KRI1: variants seen among roughly 807,000 people sequenced by gnomAD.
KRI1 encodes the protein protein KRI1 homolog.
KRI1 carries 83 observed loss-of-function variants against 97.0 expected under a neutral mutation model. The observed-to-expected ratio is 0.86, with a 90% CI of 0.72 to 1.03. The LOEUF (loss-of-function observed/expected upper bound fraction) is 1.03, where lower values mean the gene tolerates loss of function less well. Among genes scored for constraint, KRI1 ranks in the 50% least tolerant of loss-of-function variants. The pLI is 0.00. For missense variants in KRI1, 916 were observed against 928.4 expected, an observed-to-expected ratio of 0.99 and a Z score of 0.17; for synonymous variants, 371 against 363.5, an observed-to-expected ratio of 1.02 and a Z score of -0.23.
intron 12 of KRI1, among the ~76,000 whole-genome samples, chr19:10,558,848 G>A (rs4310980): frequency 0.32 from 47,949 of 150,968 alleles, 8,699 homozygotes; most frequent in African/African-American, 0.49. Flanking sequence ...AGGATTAGAG[G>A]TGCACGCCAC....
rs969772624 is a variant in KRI1, at chr19:10,565,140, C to T, written c.169-106G>A. On this transcript the variant is annotated intron_variant, in intron 2 of 18. Transcript: ENST00000312962. ...GGGATTAGGATGGAGGGGGGTGGATCTGGCTGGGGAGGTCAAACAGGTGGT... is the reference window on the plus strand; with the variant it reads ...GGGATTAGGATGGAGGGGGGTGGATTTGGCTGGGGAGGTCAAACAGGTGGT... The T allele has an allele frequency of 5.2e-5, 40 of 767,952 alleles. No individual in the cohort carries two copies. The African/African-American group carries it at 6.7e-4, about 13-fold the overall frequency. The allele number at this position is 767,952 out of a possible 1,614,324, so 47.6% of individuals were successfully genotyped here.
chr19:10,565,866 GGCGCGCGCAGGCTCCCGCGCGCAT>G lies in KRI1; in HGVS notation c.94+16_94+39del. ...TCGACTCCCCACTTCCCAACCGGCC[GGCGCGCGCAGGCTCCCGCGCGCAT>G]GCGCCCCGCACTCACGCCGCTGCAG... On this transcript the variant is annotated intron_variant, in intron 1 of 18. Transcript: ENST00000312962. The G allele has an allele frequency of 4.6e-6, 7 of 1,533,026 alleles. No individual in the cohort carries two copies. The highest frequency in any genetic ancestry group is 6.1e-6 in the Non-Finnish European group (7 of 1,139,160). The allele number at this position is 1,533,026 out of a possible 1,614,324, so 95.0% of individuals were successfully genotyped here.
At position 10,565,811 on chromosome 19, in the gene KRI1, G is replaced by GCCCCC. The variant is rs34864064; in HGVS notation, c.95-26_95-22dup. On this transcript the variant is annotated intron_variant, in intron 1 of 18. Transcript: ENST00000312962. The stretch of plus-strand genomic sequence containing the variant: ...CTTCACTGCGGGACACAGACGGGAT[G>GCCCCC]CCCCCCCCCAGGTCAGCCGGCGGGG... The GCCCCC allele has an allele frequency of 3.0e-4, 464 of 1,522,246 alleles. 1 individual carries two copies. In the African/African-American group the frequency reaches 4.5e-3, roughly 15 times the overall value. 94.3% of individuals were successfully genotyped at this position (1,522,246 alleles called of 1,614,324 possible). A position where few individuals can be genotyped will look rare whatever the true frequency, so the allele number is the denominator to read the frequency against.
chr19:10,560,846 G>C (rs1294641764), intron 8 of KRI1, among the ~76,000 whole-genome samples, 157 bp downstream of exon 8: 3 of 152,188 alleles, frequency 2.0e-5, no homozygotes, highest in African/African-American at 7.2e-5. Flanking sequence ...TTACAGGTGT[G>C]AACCACGGCA....
chr19:10,557,503 G>A lies in KRI1; in HGVS notation c.1617+49C>T, dbSNP rs200104114. 4.1e-4 allele frequency: 652 copies of A among 1,582,186 alleles called. 5 individuals carry two copies. In the Middle Eastern group the frequency reaches 9.5e-3, roughly 23 times the overall value. ...CTCAGGGCCAGCTTTCTACCCCTTC[G>A]GCATACCTGGTGCCCCCTGCAGTGT... On this transcript the variant is annotated intron_variant, in intron 16 of 18. Transcript: ENST00000312962.
intron 2 of KRI1, chr19:10,565,326 A>AG (rs1452046633): frequency 1.9e-6 from 1 of 535,262 alleles, no homozygotes; most frequent in African/African-American, 1.9e-5. Context: ...CAAGAGAGAC[A>AG]GCGGGGAGGG....
rs781756774 is a variant in KRI1, at chr19:10,565,766, T to A, written c.119A>T (p.Asp40Val). 50 of 1,579,204 alleles carry A rather than the reference T, an allele frequency of 3.2e-5. No homozygotes were observed. Among genetic ancestry groups the A allele is most frequent in the Non-Finnish European group, 4.3e-5 (50 of 1,163,454 alleles). The change falls in exon 2 of 19, where the codon GAC becomes GTC. Residue 40 changes from aspartate (D) to valine (V), a missense_variant. This residue lies in a region of KRI1 where 173 missense variants were observed against 153.1 expected (regional missense o/e 1.13). Transcript: ENST00000312962. ...QRLKDRYGDR[D>V]SSSDSSSESD... ...CTCGGAGCTGGAGTCGCTGCTGCTG[T>A]CTCGGTCCCCGTAGCGATCCTTCAC...
In KRI1 at chr19:10,557,997, A is replaced by C. The variant is rs1982074; in HGVS notation, c.1334T>G (p.Leu445Arg). Residue 445 changes from leucine to arginine, a missense_variant, in exon 14 of 19, where the codon CTG becomes CGG. Physicochemically the swap from Leu to Arg is moderately radical, Grantham distance 102. Transcript: ENST00000312962. Reference sequence around the variant, plus strand: ...GTTGAAGTTGGGGTCCTCACAGTGCAGCTCCTGCTGGCTCCAGTCTCCCTC... The same window carrying C: ...GTTGAAGTTGGGGTCCTCACAGTGCCGCTCCTGCTGGCTCCAGTCTCCCTC... Reference protein sequence around the residue: ...EQEGDWSQQELHCEDPNFNMD... With the variant: ...EQEGDWSQQERHCEDPNFNMD... The C allele has an allele frequency of 6.2e-7, 1 of 1,613,854 alleles. No individual in the cohort carries two copies. Among genetic ancestry groups the C allele is most frequent in the Non-Finnish European group, 8.5e-7 (1 of 1,179,942 alleles).
rs1049838938 is a variant in KRI1, at chr19:10,559,596, T to A, written c.1023+17A>T. ...CCAGGGCTGGGGGGTCCTCCCCAGC[T>A]CACCCCCCACACTCACCCTCTTCTT... is the stretch of plus-strand genomic sequence containing the variant. On this transcript the variant is annotated intron_variant, in intron 11 of 18. Transcript: ENST00000312962. 2 of 1,613,196 alleles carry A rather than the reference T, an allele frequency of 1.2e-6. No individual in the cohort carries two copies. Among genetic ancestry groups the A allele is most frequent in the Non-Finnish European group, 1.7e-6 (2 of 1,179,498 alleles).
chr19:10,554,632 A>G (rs774762784), intron 18 of KRI1, among the ~76,000 whole-genome samples: 2 of 152,056 alleles, frequency 1.3e-5, no homozygotes, highest in Non-Finnish European at 2.9e-5. Context: ...TGCAGCCTCC[A>G]ACTCCTGGGC....
Position 10,553,637 on chromosome 19 carries a change from G to A in KRI1, c.*314C>T, listed in dbSNP as rs1916390085. ...GTTGCCCAGGCTGGAGTGCAGTGGT[G>A]CAATCATAGCTCTCTGTAGCCTCAA... On this transcript the variant is annotated 3_prime_UTR_variant, in exon 19 of 19. Transcript: ENST00000312962. The A allele has an allele frequency of 3.7e-6, 1 of 272,190 alleles. No individual in the cohort carries two copies. Among genetic ancestry groups the A allele is most frequent in the Non-Finnish European group, 6.9e-6 (1 of 145,888 alleles). 16.9% of individuals were successfully genotyped at this position (272,190 alleles called of 1,614,324 possible).
Position 10,561,720 on chromosome 19 carries a change from C to A in KRI1, c.439-4G>T. The A allele has an allele frequency of 6.2e-7, 1 of 1,614,132 alleles. No homozygotes were observed. Among genetic ancestry groups the A allele is most frequent in the Non-Finnish European group, 8.5e-7 (1 of 1,180,022 alleles). On this transcript the variant is annotated splice_region_variant and splice_polypyrimidine_tract_variant and intron_variant, in intron 5 of 18. Coordinates refer to ENST00000312962, the MANE Select transcript of KRI1 (RefSeq NM_023008.5). ...CATAACTTTGCGACGATGTCTCCTGCAGAGAGGGCCATAGGTCTCAGGCCA... is the reference window on the plus strand; with the variant it reads ...CATAACTTTGCGACGATGTCTCCTGAAGAGAGGGCCATAGGTCTCAGGCCA...
chr19:10,555,331 T>G lies in KRI1; in HGVS notation c.1636A>C (p.Lys546Gln). ...STEEILAADD[K>Q]ELNRWCSLKK... ...AGGGAGCACCACCGGTTCAGCTCCTTATCGTCAGCAGCGAGGATCTGCGTG... is the reference window on the plus strand; with the variant it reads ...AGGGAGCACCACCGGTTCAGCTCCTGATCGTCAGCAGCGAGGATCTGCGTG... The change falls in exon 17 of 19, where the codon AAG (lysine) becomes CAG (glutamine). Residue 546 changes from lysine to glutamine, a missense_variant. Transcript: ENST00000312962. 5 of 1,614,160 alleles carry G rather than the reference T, an allele frequency of 3.1e-6. No homozygotes were observed. The highest frequency in any genetic ancestry group is 3.4e-6 in the Non-Finnish European group (4 of 1,180,022).
chr19:10,558,738 C>T (rs1916599084), intron 12 of KRI1, among the ~76,000 whole-genome samples: 1 of 151,904 alleles, frequency 6.6e-6, no homozygotes, highest in South Asian at 2.1e-4. Context: ...CAGCGTCTCA[C>T]CCAGTAGCCC....
At chr19:10,558,369 G>C (rs1916585978) in intron 12 of KRI1, 130 bp from the exon 13 acceptor site, 5 of 772,204 alleles carry the variant, frequency 6.5e-6, no homozygotes, top group Non-Finnish European at 1.1e-5. Flanking sequence ...AGCCCTCCCA[G>C]CACCTAGCTC....
At chr19:10,565,817 C>CCCCT in intron 1 of KRI1, 27 bp from the exon 2 acceptor site, 1 of 1,552,772 alleles carries the variant, frequency 6.4e-7, no homozygotes, top group Non-Finnish European at 8.7e-7. Context: ...GGATGCCCCC[C>CCCCT]CCCAGGTCAG....
chr19:10,554,324 C>G, intron 18 of KRI1, 43 bp from the exon 19 acceptor site: 1 of 1,547,516 alleles, frequency 6.5e-7, no homozygotes, highest in Non-Finnish European at 8.9e-7. Context: ...CTGTCAAGAT[C>G]AGGCCCATTC....
chr19:10,561,327 ATTTAT>A (rs1040926502), intron 6 of KRI1, 62 bp from the exon 7 acceptor site: 5 of 1,447,184 alleles, frequency 3.5e-6, no homozygotes, highest in South Asian at 3.4e-5. Context: ...CTGCCCCAGT[ATTTAT>A]TTTATTTTGT....
intron 2 of KRI1, 71 bp from the exon 3 acceptor site, chr19:10,565,105 G>T: frequency 1.0e-6 from 1 of 1,000,594 alleles, no homozygotes. Flanking sequence ...CAGCAGGTGA[G>T]CTCAGCGTAG....
Sources: gnomAD v4.1 joint callset for allele counts (sites outside exome capture counted in the v4.1 genomes callset) on GRCh38, gnomAD v4.1.1 for gene constraint, gnomAD v4.1.1 regional missense constraint, MANE v1.5 for transcripts, NCBI Gene and HGNC (gene_info 2026-07-23, HGNC 2026-07-21) for gene names.